BRINP1: variants seen among roughly 807,000 people sequenced by gnomAD.
BRINP1 encodes the protein BMP/retinoic acid inducible neural specific 1.
BRINP1 carries 17 observed loss-of-function variants against 72.9 expected under a neutral mutation model. That is an observed-to-expected ratio of 0.23 (90% CI 0.16 to 0.35). The LOEUF (loss-of-function observed/expected upper bound fraction) is 0.35, where lower values mean the gene tolerates loss of function less well. Ranked by LOEUF, BRINP1 falls within the 10% of genes least tolerant of loss-of-function variation. The pLI is 1.00. For synonymous variants in BRINP1, 418 were observed against 378.5 expected, an observed-to-expected ratio of 1.10 and a Z score of -1.21; for missense variants, 850 against 1,001.6, an observed-to-expected ratio of 0.85 and a Z score of 2.04.
At chr9:119,196,224 T>A (rs974425065) in intron 7 of BRINP1, among the ~76,000 whole-genome samples, 1 of 152,148 alleles carries the variant, frequency 6.6e-6, no homozygotes, top group African/African-American at 2.4e-5. Flanking sequence ...CACCTGGGAC[T>A]TAGGACCCAC....
At chr9:119,258,403 G>T (rs190174406) in intron 2 of BRINP1, among the ~76,000 whole-genome samples, 1 of 152,254 alleles carries the variant, frequency 6.6e-6, no homozygotes, top group African/African-American at 2.4e-5. Flanking sequence ...GAGGGCAGGG[G>T]GCCATAATGG....
At chr9:119,259,384 C>T (rs890606668) in intron 2 of BRINP1, among the ~76,000 whole-genome samples, 5 of 152,166 alleles carry the variant, frequency 3.3e-5, no homozygotes, top group South Asian at 2.1e-4. Flanking sequence ...ATGTTAGCTA[C>T]GTATCCTGCG....
At position 119,238,897 on chromosome 9, in the gene BRINP1, C is replaced by T. The variant is rs954946924; in HGVS notation, c.580-137G>A. On this transcript the variant is annotated intron_variant, in intron 4 of 7. Transcript: ENST00000265922. ...GAGTCAATGGTCACTTTCTGAGCTT[C>T]GTGCTTGTGTCTGGGACCAAGCACA... 32 of 569,686 alleles carry T rather than the reference C, an allele frequency of 5.6e-5. No homozygotes were observed. In the Admixed American group the frequency reaches 6.5e-4, roughly 12 times the overall value. 35.3% of individuals were successfully genotyped at this position (569,686 alleles called of 1,614,324 possible).
chr9:119,199,678 A>G (rs1228332022), intron 7 of BRINP1, among the ~76,000 whole-genome samples: 1 of 152,158 alleles, frequency 6.6e-6, no homozygotes, highest in East Asian at 1.9e-4. Flanking sequence ...CTTTAAAAAA[A>G]CCCAGGTGAT....
At chr9:119,300,228 G>A (rs1385413035) in intron 2 of BRINP1, among the ~76,000 whole-genome samples, 1 of 151,904 alleles carries the variant, frequency 6.6e-6, no homozygotes, top group Non-Finnish European at 1.5e-5. Flanking sequence ...TTCAGGAATG[G>A]CTTCATCAAA....
intron 7 of BRINP1, among the ~76,000 whole-genome samples, chr9:119,172,874 CA>C: frequency 6.6e-6 from 1 of 151,622 alleles, no homozygotes; most frequent in South Asian, 2.1e-4. Flanking sequence ...GAGACAAAGA[CA>C]AAAACCACAT....
chr9:119,225,975 T>C (rs1026628854), intron 5 of BRINP1, among the ~76,000 whole-genome samples: 3 of 152,054 alleles, frequency 2.0e-5, no homozygotes, highest in South Asian at 2.1e-4. Flanking sequence ...GCATCTACTA[T>C]AAGCTAAACA....
chr9:119,368,100 T>C lies in BRINP1; in HGVS notation c.-51+956A>G, dbSNP rs1831714760. Among the ~76,000 whole-genome samples, 1 of 152,204 alleles carries C rather than the reference T, an allele frequency of 6.6e-6. No homozygotes were observed. Among genetic ancestry groups the C allele is most frequent in the Non-Finnish European group, 1.5e-5 (1 of 68,032 alleles). On this transcript the variant is annotated intron_variant, in intron 1 of 7. Transcript: ENST00000265922. This position sits in a 1 kb window ranked among gnomAD's most constrained non-coding sequence, Gnocchi z 4.7. ...GGATGAGCAAGTCCCCGAGGACGCT[T>C]TCTCCTTTCCCCTGAGGGGGATCCA...
intron 7 of BRINP1, among the ~76,000 whole-genome samples, chr9:119,193,530 T>C (rs769976555): frequency 2.2e-4 from 34 of 152,178 alleles, no homozygotes; most frequent in Non-Finnish European, 4.4e-4. Context: ...TGGGGATTGC[T>C]GTTAAATAGG....
intron 5 of BRINP1, among the ~76,000 whole-genome samples, chr9:119,229,314 C>G (rs1399495327): frequency 6.6e-6 from 1 of 152,172 alleles, no homozygotes; most frequent in Non-Finnish European, 1.5e-5. Context: ...TAATACCTAA[C>G]TTTTTTTAAT....
intron 7 of BRINP1, among the ~76,000 whole-genome samples, chr9:119,169,351 A>T (rs230101): frequency 0.081 from 12,256 of 152,224 alleles, 1,508 homozygotes; most frequent in African/African-American, 0.27. Flanking sequence ...CCTTTCCGAA[A>T]CAAAGAAAGG....
At position 119,232,082 on chromosome 9, in the gene BRINP1, G is replaced by T; in HGVS notation, c.685+6573C>A. The stretch of plus-strand genomic sequence containing the variant: ...ATTTTCACATGTCCCATCAAAACTG[G>T]TCCTTACCAGTCTCATCATAGCAAT... On this transcript the variant is annotated intron_variant, in intron 5 of 7. Coordinates refer to ENST00000265922, the MANE Select transcript of BRINP1 (RefSeq NM_014618.3). Among the ~76,000 whole-genome samples the T allele has an allele frequency of 1.3e-5, 2 of 152,126 alleles. 1 individual carries two copies.
chr9:119,339,034 G>A (rs184293937), intron 1 of BRINP1, among the ~76,000 whole-genome samples: 14 of 152,296 alleles, frequency 9.2e-5, no homozygotes, highest in African/African-American at 3.4e-4. Flanking sequence ...CTAAATGAGA[G>A]GGGAAGATAA....
At chr9:119,182,297 A>G (rs1004829817) in intron 7 of BRINP1, among the ~76,000 whole-genome samples, 1 of 152,208 alleles carries the variant, frequency 6.6e-6, no homozygotes, top group Non-Finnish European at 1.5e-5. Flanking sequence ...TCACCGTAAA[A>G]GAAGATAATT....
At chr9:119,359,664 T>G (rs1175957570) in intron 1 of BRINP1, among the ~76,000 whole-genome samples, 1 of 152,118 alleles carries the variant, frequency 6.6e-6, no homozygotes, top group Non-Finnish European at 1.5e-5. Context: ...CAGAAAGAAG[T>G]AGATTCAAAT....
chr9:119,338,467 A>C (rs1226375195), intron 1 of BRINP1, among the ~76,000 whole-genome samples: 2 of 151,380 alleles, frequency 1.3e-5, no homozygotes, highest in South Asian at 2.1e-4. Context: ...TTTTCCCCTC[A>C]CGGCCTCTCC....
intron 2 of BRINP1, among the ~76,000 whole-genome samples, chr9:119,294,658 G>T (rs982997808): frequency 6.6e-6 from 1 of 152,070 alleles, no homozygotes; most frequent in South Asian, 2.1e-4. Context: ...CTGGGGTCAG[G>T]AGTTTGAGAC....
chr9:119,177,256 CCA>C (rs1161221614), intron 7 of BRINP1, among the ~76,000 whole-genome samples: 2 of 152,166 alleles, frequency 1.3e-5, no homozygotes, highest in Admixed American at 6.5e-5. Flanking sequence ...CCAGGCCTCC[CCA>C]GTTTCTGCTT....
At chr9:119,244,553 A>G (rs1316139950) in intron 3 of BRINP1, among the ~76,000 whole-genome samples, 3 of 152,172 alleles carry the variant, frequency 2.0e-5, no homozygotes, top group African/African-American at 7.2e-5. Context: ...ACAAGTGAAT[A>G]TGCTAAGAGT....
Sources: gnomAD v4.1 joint callset for allele counts (sites outside exome capture counted in the v4.1 genomes callset) on GRCh38, gnomAD v4.1.1 for gene constraint, Gnocchi (gnomAD v3.1) non-coding constraint, MANE v1.5 for transcripts, NCBI Gene and HGNC (gene_info 2026-07-23, HGNC 2026-07-21) for gene names.